CDK5RAP2: variants seen among roughly 807,000 people sequenced by gnomAD.
CDK5RAP2 encodes CDK5 regulatory subunit-associated protein 2.
In CDK5RAP2, 147 loss-of-function variants were observed where a neutral mutation model predicts 232.9. That is an observed-to-expected ratio of 0.63 (90% CI 0.55 to 0.72). The LOEUF (loss-of-function observed/expected upper bound fraction) is 0.72, where lower values mean the gene tolerates loss of function less well. Among genes scored for constraint, CDK5RAP2 ranks in the 30% least tolerant of loss-of-function variants. The pLI is 0.00. For synonymous variants in CDK5RAP2, 833 were observed against 833.7 expected (o/e 1.00, Z 0.01); for missense variants, 2,195 against 2,231.5 (o/e 0.98, Z 0.33).
At chr9:120,399,336 C>A (rs1356795294) in intron 35 of CDK5RAP2, among the ~76,000 whole-genome samples, 2 of 152,058 alleles carry the variant, frequency 1.3e-5, no homozygotes, top group Non-Finnish European at 2.9e-5. Flanking sequence ...ATGTTAAAAT[C>A]ATATGAGGCA....
intron 7 of CDK5RAP2, among the ~76,000 whole-genome samples, chr9:120,534,080 T>G (rs1183959718): frequency 6.6e-6 from 1 of 152,204 alleles, no homozygotes. Context: ...AATTTAAATC[T>G]GATCTTGTCA....
chr9:120,535,953 A>G (rs1564351758), intron 7 of CDK5RAP2, among the ~76,000 whole-genome samples: 1 of 152,218 alleles, frequency 6.6e-6, no homozygotes, highest in Non-Finnish European at 1.5e-5. Context: ...CACTTTGGGA[A>G]GAACCACAAG....
chr9:120,551,620 A>T (rs1282639375), intron 3 of CDK5RAP2, among the ~76,000 whole-genome samples: 1 of 152,218 alleles, frequency 6.6e-6, no homozygotes, highest in Non-Finnish European at 1.5e-5. Context: ...ATTCTGCAAA[A>T]CAACAGAACT....
chr9:120,503,702 G>A (rs1340961704), intron 12 of CDK5RAP2, among the ~76,000 whole-genome samples: 1 of 152,122 alleles, frequency 6.6e-6, no homozygotes, highest in African/African-American at 2.4e-5. Flanking sequence ...GGTCCTTGGA[G>A]GTCTGGAGGA....
chr9:120,479,300 C>T (rs748229931), intron 14 of CDK5RAP2, among the ~76,000 whole-genome samples: 11 of 152,010 alleles, frequency 7.2e-5, no homozygotes, highest in South Asian at 6.2e-4. Context: ...GAAAAATCAC[C>T]CTTCGCCAAC....
At chr9:120,417,461 A>G (rs1028894449) in intron 27 of CDK5RAP2, among the ~76,000 whole-genome samples, 10 of 152,246 alleles carry the variant, frequency 6.6e-5, no homozygotes, top group African/African-American at 2.4e-4. Flanking sequence ...GGTAGGAGTC[A>G]GTCAGGAACT....
Position 120,545,800 on chromosome 9 carries a change from A to C in CDK5RAP2, c.307-10T>G, listed in dbSNP as rs762738175. The C allele has an allele frequency of 6.2e-7, 1 of 1,606,584 alleles. No individual in the cohort carries two copies. Among genetic ancestry groups the C allele is most frequent in the South Asian group, 1.1e-5 (1 of 90,958 alleles). On this transcript the variant is annotated splice_polypyrimidine_tract_variant and intron_variant, in intron 4 of 37. Transcript: ENST00000349780. ...CCTTGAGCTCAATGTTCTACAAAAC[A>C]AGATTAAGAAAGAAAAGAAACAATG...
intron 25 of CDK5RAP2, among the ~76,000 whole-genome samples, chr9:120,429,045 C>G (rs958860485): frequency 6.6e-6 from 1 of 152,120 alleles, no homozygotes; most frequent in Non-Finnish European, 1.5e-5. Context: ...AGGCCTTTGA[C>G]AAAATTCAAC....
At chr9:120,560,354 G>C (rs1406023582) in intron 3 of CDK5RAP2, among the ~76,000 whole-genome samples, 1 of 152,156 alleles carries the variant, frequency 6.6e-6, no homozygotes, top group Non-Finnish European at 1.5e-5. Context: ...AAATCACGTA[G>C]AGTGAAGGCA....
rs933178387 is a variant in CDK5RAP2, at chr9:120,417,737, A to G, written c.4177+2051T>C. On this transcript the variant is annotated intron_variant, in intron 27 of 37. Transcript: ENST00000349780. ...AGAAAAATCTCTCTCTCTTAGAATA[A>G]TGCCCTTTTGACAAATGCTGACTTT... Among the ~76,000 whole-genome samples, 4 of 152,212 alleles carry G rather than the reference A, an allele frequency of 2.6e-5. No homozygotes were observed. In the East Asian group the frequency reaches 7.7e-4, roughly 29 times the overall value.
chr9:120,552,626 A>G (rs1012070009), intron 3 of CDK5RAP2, among the ~76,000 whole-genome samples: 7 of 145,150 alleles, frequency 4.8e-5, no homozygotes, highest in African/African-American at 1.8e-4. Context: ...TCTCACTCAT[A>G]GGTGGGAATT....
chr9:120,451,869 A>G (rs1010046132), intron 21 of CDK5RAP2, among the ~76,000 whole-genome samples: 4 of 147,796 alleles, frequency 2.7e-5, no homozygotes, highest in African/African-American at 9.8e-5. Flanking sequence ...ATTATATATT[A>G]TATATATAAT....
intron 12 of CDK5RAP2, among the ~76,000 whole-genome samples, chr9:120,518,163 CTCTGTGTGTGTGTG>C (rs2040425401): frequency 2.4e-5 from 2 of 82,558 alleles, no homozygotes; most frequent in African/African-American, 9.0e-5. Flanking sequence ...TCGATAACAA[CTCTGTGTGTGTGTG>C]TGTGTGTGTG....
intron 2 of CDK5RAP2, among the ~76,000 whole-genome samples, chr9:120,570,186 C>T (rs1270965338): frequency 6.6e-6 from 1 of 152,140 alleles, no homozygotes; most frequent in Non-Finnish European, 1.5e-5. Flanking sequence ...AAGGAGTGGG[C>T]AGGGCAGACT....
chr9:120,514,984 A>G (rs1283062070), intron 12 of CDK5RAP2, among the ~76,000 whole-genome samples: 1 of 152,212 alleles, frequency 6.6e-6, no homozygotes, highest in Non-Finnish European at 1.5e-5. Flanking sequence ...ATGTAATGTT[A>G]TACAGCAATT....
Position 120,389,256 on chromosome 9 carries a change from G to A in CDK5RAP2, c.5662C>T (p.Pro1888Ser), listed in dbSNP as rs2031687677. 3 of 1,612,948 alleles carry A rather than the reference G, an allele frequency of 1.9e-6. No homozygotes were observed. The highest frequency in any genetic ancestry group is 2.5e-6 in the Non-Finnish European group (3 of 1,179,524). The change falls in exon 38 of 38, where the codon CCC (proline) becomes TCC (serine). Residue 1888 changes from proline to serine, a missense_variant. Physicochemically the swap from Pro to Ser is moderately conservative, Grantham distance 74. Transcript: ENST00000349780. ...PGGAHPGTCS[P>S]SRPGS ...TCTTCTCAGGAGCCTGGTCTGCTGG[G>A]ACTGCATGTTCCTGGATGGGCTCCC...
intron 20 of CDK5RAP2, among the ~76,000 whole-genome samples, chr9:120,454,624 C>T (rs1296772168): frequency 6.6e-6 from 1 of 152,240 alleles, no homozygotes; most frequent in Non-Finnish European, 1.5e-5. Context: ...CATAGTCCCA[C>T]CTCAAACACC....
chr9:120,497,298 A>G (rs2039336626), intron 12 of CDK5RAP2, among the ~76,000 whole-genome samples: 1 of 125,898 alleles, frequency 7.9e-6, no homozygotes, highest in South Asian at 2.5e-4. Flanking sequence ...TCCTCTGCCT[A>G]GGAAAACCAG....
chr9:120,535,297 C>G (rs1588596027), intron 7 of CDK5RAP2, among the ~76,000 whole-genome samples: 1 of 152,172 alleles, frequency 6.6e-6, no homozygotes, highest in East Asian at 1.9e-4. Context: ...AATCCTATCC[C>G]AAAGATTAGG....
Sources: gnomAD v4.1 joint callset for allele counts (sites outside exome capture counted in the v4.1 genomes callset) on GRCh38, gnomAD v4.1.1 for gene constraint, MANE v1.5 for transcripts, NCBI Gene and HGNC (gene_info 2026-07-23, HGNC 2026-07-21) for gene names.